DNAH2: variants seen among roughly 807,000 people sequenced by gnomAD.
DNAH2 encodes axonemal beta dynein heavy chain 2.
DNAH2 carries 323 observed loss-of-function variants against 523.5 expected under a neutral mutation model. That is an observed-to-expected ratio of 0.62 (90% CI 0.56 to 0.68). The LOEUF (loss-of-function observed/expected upper bound fraction) is 0.68. Among genes scored for constraint, DNAH2 ranks in the 30% least tolerant of loss-of-function variants. The pLI, the probability that DNAH2 is intolerant of heterozygous loss-of-function variation, is 0.00. For missense variants in DNAH2, 4,907 were observed against 5,701.5 expected (o/e 0.86, Z 4.49); for synonymous variants, 2,093 against 2,177.4 (o/e 0.96, Z 1.08).
intron 61 of DNAH2, among the ~76,000 whole-genome samples, chr17:7,805,725 A>G (rs1219476188): frequency 6.6e-6 from 1 of 152,076 alleles, no homozygotes; most frequent in Non-Finnish European, 1.5e-5. Flanking sequence ...ATGATGGTGC[A>G]TGCCTGTAGT....
In DNAH2 at chr17:7,786,278, G is replaced by A. The variant is rs747856822; in HGVS notation, c.6284G>A (p.Arg2095His). The stretch of plus-strand genomic sequence containing the variant: ...GGCAGCGGCAAGACTGCCTCATGGC[G>A]CATTCTACAGGCCTCCCTGTCCTCT... Reference protein sequence around the residue: ...CTGSGKTASWRILQASLSSLC... With the variant: ...CTGSGKTASWHILQASLSSLC... Residue 2095 changes from arginine (R) to histidine (H), a missense_variant, in exon 40 of 86, where the codon CGC becomes CAC. Physicochemically the swap from Arg to His is conservative, Grantham distance 29. This residue lies in a region of DNAH2 where 2,806 missense variants were observed against 3,190.8 expected (regional missense o/e 0.88). Transcript: ENST00000572933. The surrounding 1 kb of genome is among the most constrained non-coding windows in gnomAD (Gnocchi z 7.5). 12 of 1,613,920 alleles carry A rather than the reference G, an allele frequency of 7.4e-6. No homozygotes were observed. Among genetic ancestry groups the A allele is most frequent in the Middle Eastern group, 1.6e-4 (1 of 6,062 alleles).
chr17:7,795,670 T>TTA (rs138758219), intron 49 of DNAH2, among the ~76,000 whole-genome samples: 70,323 of 145,120 alleles, frequency 0.48, 19,138 homozygotes, highest in Admixed American at 0.6. Context: ...TATATAATAT[T>TTA]TATATATATA....
At chr17:7,723,825 A>G (rs2074709898) in intron 3 of DNAH2, 136 bp downstream of exon 3, 7 of 795,032 alleles carry the variant, frequency 8.8e-6, no homozygotes, top group Admixed American at 2.1e-5. Flanking sequence ...TAGCCTACTC[A>G]CCACAAATCC....
chr17:7,738,206 C>T (rs1218916945), intron 8 of DNAH2: 1 of 666,182 alleles, frequency 1.5e-6, no homozygotes, highest in Non-Finnish European at 2.8e-6. Flanking sequence ...TTCCTGTACA[C>T]TTTGTTTAGC....
chr17:7,801,794 C>A, intron 57 of DNAH2, 84 bp downstream of exon 57: 1 of 1,609,096 alleles, frequency 6.2e-7, no homozygotes, highest in Non-Finnish European at 8.5e-7. Context: ...CCCGGCCTCT[C>A]TCCTTCCCGC....
chr17:7,830,835 T>C lies in DNAH2; in HGVS notation c.12223T>C (p.Phe4075Leu), dbSNP rs2078152408. The change falls in exon 79 of 86, where the codon TTC becomes CTC. Residue 4075 changes from phenylalanine to leucine, a missense_variant. Physicochemically the swap from Phe to Leu is conservative, Grantham distance 22. Transcript: ENST00000572933. ...YFCDQSLSTPFHRLSALETYF... is the reference protein window; with the variant it reads ...YFCDQSLSTPLHRLSALETYF... ...CTGTGACCAGTCTCTATCAACTCCC[T>C]TCCACCGGTGAGGGGGAGGTGGCCC... 6.2e-7 allele frequency: 1 copy of C among 1,613,934 alleles called. No individual in the cohort carries two copies. The highest frequency in any genetic ancestry group is 8.5e-7 in the Non-Finnish European group (1 of 1,180,000).
chr17:7,720,992 TTTTC>T, intron 2 of DNAH2, among the ~76,000 whole-genome samples: 1 of 144,640 alleles, frequency 6.9e-6, no homozygotes, highest in South Asian at 2.2e-4. Flanking sequence ...CCAAGCTTTC[TTTTC>T]TTTCTTTCTT....
chr17:7,801,949 G>A lies in DNAH2; in HGVS notation c.8904G>A (p.Leu2968=). 1 of 1,614,238 alleles carries A rather than the reference G, an allele frequency of 6.2e-7. No homozygotes were observed. Among genetic ancestry groups the A allele is most frequent in the South Asian group, 1.1e-5 (1 of 91,088 alleles). ...TAGCTCAGTATTCCCAGAAGATGCT[G>A]TTGGAACTGCGGAGACACAACTATG... is the stretch of plus-strand genomic sequence containing the variant. ...WSVAQYSQKM[L]LELRRHNYVT... The change falls in exon 58 of 86, where the codon CTG becomes CTA. Residue 2968 remains leucine, a synonymous_variant. Transcript: ENST00000572933.
rs534818894 is a variant in DNAH2 at position 7,809,758 on chromosome 17, TGAAAA to T, written c.9729+2175_9729+2179del. ...ACACCCACACTTGAGAACCCCTAAG[TGAAAA>T]GAGAAAGCAGACAGGGAACAAACAT... is the stretch of plus-strand genomic sequence containing the variant. On this transcript the variant is annotated intron_variant, in intron 63 of 85. Transcript: ENST00000572933. Among the ~76,000 whole-genome samples, 750 of 151,632 alleles carry T rather than the reference TGAAAA, an allele frequency of 4.9e-3. 8 individuals are homozygous for T. Among genetic ancestry groups the T allele is most frequent in the African/African-American group, 0.017 (718 of 41,252 alleles).
Position 7,786,121 on chromosome 17 carries a change from C to T in DNAH2, c.6130-3C>T. ...CTGCTTGCTGTGTTTTCCCTTCCCT[C>T]AGCTGCGGGAGACCGTTGAGCAGGA... On this transcript the variant is annotated splice_region_variant and splice_polypyrimidine_tract_variant and intron_variant, in intron 39 of 85. Transcript: ENST00000572933. This position sits in a 1 kb window ranked among gnomAD's most constrained non-coding sequence, Gnocchi z 7.5. The T allele has an allele frequency of 6.2e-7, 1 of 1,613,940 alleles. No individual in the cohort carries two copies. Among genetic ancestry groups the T allele is most frequent in the Non-Finnish European group, 8.5e-7 (1 of 1,180,006 alleles).
intron 63 of DNAH2, among the ~76,000 whole-genome samples, chr17:7,813,400 G>C (rs2077573932): frequency 6.6e-6 from 1 of 151,818 alleles, no homozygotes; most frequent in African/African-American, 2.4e-5. Flanking sequence ...CTTGTACAAG[G>C]ATATTTATTA....
chr17:7,756,902 C>T (rs2075855772), intron 12 of DNAH2, among the ~76,000 whole-genome samples, 189 bp from the exon 13 acceptor site: 2 of 152,220 alleles, frequency 1.3e-5, no homozygotes, highest in African/African-American at 2.4e-5. Flanking sequence ...AACTCCTGAG[C>T]TCAAGTGATC....
At chr17:7,721,756 G>A (rs746495532) in intron 2 of DNAH2, among the ~76,000 whole-genome samples, 1 of 152,190 alleles carries the variant, frequency 6.6e-6, no homozygotes, top group Non-Finnish European at 1.5e-5. Context: ...CCAATCTCCT[G>A]TGTGACTAGT....
chr17:7,734,480 C>A lies in DNAH2; in HGVS notation c.750C>A (p.Ile250=). 1 of 1,613,786 alleles carries A rather than the reference C, an allele frequency of 6.2e-7. No homozygotes were observed. Among genetic ancestry groups the A allele is most frequent in the Non-Finnish European group, 8.5e-7 (1 of 1,179,970 alleles). Residue 250 remains isoleucine (I), a synonymous_variant, in exon 7 of 86, where the codon ATC becomes ATA. Transcript: ENST00000572933. ...ELVQRLETSM[I]HWTRQIKEML... ...TACTCTCCCCTGCAGCCTCCATGAT[C>A]CACTGGACCCGGCAGATAAAGGAGA...
At chr17:7,740,734 C>A in intron 10 of DNAH2, 76 bp from the exon 11 acceptor site, 3 of 1,555,156 alleles carry the variant, frequency 1.9e-6, no homozygotes, top group Non-Finnish European at 2.6e-6. Context: ...CGGGGTGCAG[C>A]TTTCCTCTGG....
intron 63 of DNAH2, among the ~76,000 whole-genome samples, chr17:7,810,780 GA>G (rs1446275135): frequency 2.0e-5 from 3 of 152,188 alleles, no homozygotes; most frequent in African/African-American, 7.2e-5. Context: ...CAGAGCCTAA[GA>G]ATCAGCATTT....
rs764217914 is a variant in DNAH2, at chr17:7,818,006, C to T, written c.10297C>T (p.His3433Tyr). 1 of 1,614,028 alleles carries T rather than the reference C, an allele frequency of 6.2e-7. No individual in the cohort carries two copies. Among genetic ancestry groups the T allele is most frequent in the South Asian group, 1.1e-5 (1 of 91,088 alleles). ...CCTGCGAATCCTAGAACACGCCATT[C>T]ACTTTGGATACCCGGTGCTACTTCA... is the stretch of plus-strand genomic sequence containing the variant. ...DYLRILEHAIHFGYPVLLQNV... is the reference protein window; with the variant it reads ...DYLRILEHAIYFGYPVLLQNV... Residue 3433 changes from histidine (H) to tyrosine (Y), a missense_variant, in exon 68 of 86, where the codon CAC becomes TAC. His to Tyr is a moderately conservative substitution (Grantham distance 83). Coordinates refer to ENST00000572933, the MANE Select transcript of DNAH2 (RefSeq NM_020877.5).
Position 7,823,593 on chromosome 17 carries a change from A to G in DNAH2, c.11294A>G (p.Tyr3765Cys), listed in dbSNP as rs759735919. The change falls in exon 74 of 86, where the codon TAT becomes TGT. Residue 3765 changes from tyrosine to cysteine, a missense_variant. By Grantham distance (194) the Tyr-to-Cys change is radical (BLOSUM62 -2). This residue lies in a region of DNAH2 where 1,851 missense variants were observed against 2,139.4 expected (regional missense o/e 0.87). Transcript: ENST00000572933. ...TACCCTCGTGACTGGCACCTGTGGT[A>G]TACCAATGCTGCCCCGGAGAAGGCG... ...EQYPRDWHLW[Y>C]TNAAPEKAML... The G allele has an allele frequency of 1.9e-5, 31 of 1,614,036 alleles. No homozygotes were observed. The highest frequency in any genetic ancestry group is 2.2e-5 in the Non-Finnish European group (26 of 1,180,034).
Position 7,780,385 on chromosome 17 carries a change from T to C in DNAH2, c.5850+101T>C. On this transcript the variant is annotated intron_variant, in intron 37 of 85. Coordinates refer to ENST00000572933, the MANE Select transcript of DNAH2 (RefSeq NM_020877.5). This position sits in a 1 kb window ranked among gnomAD's most constrained non-coding sequence, Gnocchi z 4.4. ...AGGGCCTCACAATCAGCTTATCCTC[T>C]AAGGAACTTAGACTATTGTCAGTAG... The C allele has an allele frequency of 1.3e-6, 2 of 1,554,350 alleles. No individual in the cohort carries two copies. Among genetic ancestry groups the C allele is most frequent in the Non-Finnish European group, 1.8e-6 (2 of 1,140,514 alleles).
Sources: allele counts gnomAD v4.1 joint callset (sites outside exome capture counted in the v4.1 genomes callset), GRCh38; gene constraint gnomAD v4.1.1; regional missense constraint gnomAD v4.1.1; non-coding constraint Gnocchi (gnomAD v3.1); transcripts MANE v1.5; gene names NCBI Gene and HGNC (gene_info 2026-07-23, HGNC 2026-07-21).